NPC1: variants seen among roughly 807,000 people sequenced by gnomAD.
NPC1 encodes the protein Niemann-Pick C1 protein.
NPC1 carries 85 observed loss-of-function variants against 140.4 expected under a neutral mutation model. The observed-to-expected ratio is 0.61, with a 90% CI of 0.51 to 0.72. NPC1 has a LOEUF of 0.72. NPC1 is among the 30% of genes least tolerant of loss of function. The probability of loss-of-function intolerance (pLI) is 0.00; values close to 1 mark genes in which losing one functional copy is unlikely to be tolerated. For synonymous variants in NPC1, 656 were observed against 624.8 expected (o/e 1.05, Z -0.74); for missense variants, 1,504 against 1,623.8 (o/e 0.93, Z 1.27).
In NPC1 at chr18:23,568,740, G is replaced by A. The variant is rs144947594; in HGVS notation, c.463+83C>T. The A allele has an allele frequency of 7.7e-4, 873 of 1,126,574 alleles. 4 individuals carry two copies. The African/African-American group carries it at 0.011, about 14-fold the overall frequency. 69.8% of individuals were successfully genotyped at this position (1,126,574 alleles called of 1,614,324 possible). On this transcript the variant is annotated intron_variant, in intron 4 of 24. Transcript: ENST00000269228. ...GAACTGAAAATTGTGATTTTCCAGA[G>A]TTGACAGGACAACTAAAAGGAACAA...
In NPC1 at chr18:23,551,635, C is replaced by T. The variant is rs1359235313; in HGVS notation, c.1646G>A (p.Gly549Asp). The T allele has an allele frequency of 1.2e-6, 2 of 1,611,680 alleles. No homozygotes were observed. Among genetic ancestry groups the T allele is most frequent in the Admixed American group, 3.3e-5 (2 of 60,024 alleles). ...AAGCTTCTCTTACTTACCATCATAG[C>T]CTCCCAACACAAGCCACGGGAACAC... ...GPVFPWLVLG[G>D]YDDQNYNNAT... Residue 549 changes from glycine to aspartate, a missense_variant, in exon 10 of 25, where the codon GGC (glycine) becomes GAC (aspartate). Gly to Asp is a moderately conservative substitution (Grantham distance 94, BLOSUM62 -1). Coordinates refer to ENST00000269228, the MANE Select transcript of NPC1 (RefSeq NM_000271.5).
At position 23,539,373 on chromosome 18, in the gene NPC1, G is replaced by C; in HGVS notation, c.2893C>G (p.Gln965Glu). The C allele has an allele frequency of 1.9e-6, 3 of 1,612,274 alleles. No individual in the cohort carries two copies. Among genetic ancestry groups the C allele is most frequent in the Non-Finnish European group, 2.5e-6 (3 of 1,178,388 alleles). Residue 965 changes from glutamine (Q) to glutamate (E), a missense_variant, in exon 19 of 25, where the codon CAG (glutamine) becomes GAG (glutamate). Gln to Glu is a conservative substitution (Grantham distance 29). Coordinates refer to ENST00000269228, the MANE Select transcript of NPC1 (RefSeq NM_000271.5). ...SCCRVDNITDQFCNASVVDPA... is the reference protein window; with the variant it reads ...SCCRVDNITDEFCNASVVDPA... ...AAGGTACCTGAAGCATTGCAGAACT[G>C]GTCAGTGATATTGTCCACTCGACAG...
intron 1 of NPC1, among the ~76,000 whole-genome samples, chr18:23,523,543 CAAAA>C (rs374224848): frequency 1.3e-5 from 1 of 76,404 alleles, no homozygotes; most frequent in Non-Finnish European, 2.3e-5. Context: ...CTTGTCTTCA[CAAAA>C]AAAAAAAAAA....
rs202172081 is a variant in NPC1, at chr18:23,516,724, CTTCT to C, written c.432-10086_432-10083del. Among the ~76,000 whole-genome samples, 195 of 140,432 alleles carry C rather than the reference CTTCT, an allele frequency of 1.4e-3. 2 individuals are homozygous for C. The highest frequency in any genetic ancestry group is 2.6e-3 in the African/African-American group (100 of 37,816). The allele number at this position is 140,432 out of a possible 152,430, so 92.1% of individuals were successfully genotyped here. ...TAGTATCTTTGTTTTAGAATTTCTT[CTTCT>C]TTTTTTTTTTTTTTCGAGACAGAGT... is the stretch of plus-strand genomic sequence containing the variant. On this transcript the variant is annotated intron_variant, in intron 3 of 3. Coordinates refer to the NPC1 transcript ENST00000591107.
At chr18:23,541,015 G>C in intron 16 of NPC1, 53 bp downstream of exon 16, 1 of 1,595,540 alleles carries the variant, frequency 6.3e-7, no homozygotes, top group Non-Finnish European at 8.6e-7. Flanking sequence ...TAGAAGGCAT[G>C]TGATAATCTG....
intron 3 of NPC1, among the ~76,000 whole-genome samples, chr18:23,570,034 G>A (rs2059178985): frequency 1.3e-5 from 2 of 152,162 alleles, no homozygotes; most frequent in South Asian, 4.1e-4. Flanking sequence ...GTGTGTCCTG[G>A]CCTTCAAGAG....
At chr18:23,511,589 A>G (rs2057859673) in intron 3 of NPC1, among the ~76,000 whole-genome samples, 1 of 152,226 alleles carries the variant, frequency 6.6e-6, no homozygotes, top group South Asian at 2.1e-4. Context: ...CTCTATTTTT[A>G]AAAATAAATA....
chr18:23,526,529 T>G, downstream of NPC1: 1 of 1,405,458 alleles, frequency 7.1e-7, no homozygotes, highest in Non-Finnish European at 9.6e-7. Flanking sequence ...ACTTTGCGGC[T>G]TTTTATCACC....
chr18:23,530,483 G>A, downstream of NPC1: 1 of 1,614,254 alleles, frequency 6.2e-7, no homozygotes, highest in Non-Finnish European at 8.5e-7. Context: ...TGGTGGCCAT[G>A]ACAACATTTC....
chr18:23,546,031 C>T (rs562737294), intron 11 of NPC1, among the ~76,000 whole-genome samples: 1 of 152,050 alleles, frequency 6.6e-6, no homozygotes, highest in East Asian at 1.9e-4. Context: ...GGCAGATCAC[C>T]TGAGGTCAAG....
intron 21 of NPC1, 83 bp from the exon 22 acceptor site, chr18:23,535,783 G>T: frequency 1.1e-6 from 1 of 915,344 alleles, no homozygotes; most frequent in Non-Finnish European, 1.8e-6. Flanking sequence ...CTGCCAAGTG[G>T]TCAGACTCCT....
At chr18:23,563,885 T>C (rs2059080069) in intron 4 of NPC1, among the ~76,000 whole-genome samples, 1 of 152,180 alleles carries the variant, frequency 6.6e-6, no homozygotes, top group South Asian at 2.1e-4. Context: ...ATCTCTCATG[T>C]GCTTGTTGGT....
At position 23,531,775 on chromosome 18, in the gene NPC1, C is replaced by CATTT; in HGVS notation, c.*426_*427insAAAT. 7 of 1,569,416 alleles carry CATTT rather than the reference C, an allele frequency of 4.5e-6. No individual in the cohort carries two copies. In the African/African-American group the frequency reaches 5.5e-5, roughly 12 times the overall value. On this transcript the variant is annotated 3_prime_UTR_variant, in exon 25 of 25. Coordinates refer to ENST00000269228, the MANE Select transcript of NPC1 (RefSeq NM_000271.5). ...TATTGCATTAATAAAGCTCTTTAAA[C>CATTT]TATAAAATGTTATAAAGTGTATCTA...
In NPC1 at chr18:23,540,126, A is replaced by G. The variant is rs1598946015; in HGVS notation, c.2605-125T>C. The G allele has an allele frequency of 1.2e-5, 10 of 819,646 alleles. No individual in the cohort carries two copies. In the East Asian group the frequency reaches 2.6e-4, roughly 22 times the overall value. The allele number at this position is 819,646 out of a possible 1,614,324, so 50.8% of individuals were successfully genotyped here. Reference sequence around the variant, plus strand: ...GGCTGAGATGCCTCCAGCTGGACTCATGATTCCTAACACCACCAGTCTTCC... The same window carrying G: ...GGCTGAGATGCCTCCAGCTGGACTCGTGATTCCTAACACCACCAGTCTTCC... On this transcript the variant is annotated intron_variant, in intron 17 of 24. Transcript: ENST00000269228.
At chr18:23,554,681 TA>T in intron 9 of NPC1, 76 bp downstream of exon 9, 1 of 1,097,488 alleles carries the variant, frequency 9.1e-7, no homozygotes, top group Non-Finnish European at 1.4e-6. Context: ...GTTATGCTCA[TA>T]AAACAAGCTT....
chr18:23,574,897 AAG>A (rs1459481187), intron 1 of NPC1, among the ~76,000 whole-genome samples: 1 of 152,224 alleles, frequency 6.6e-6, no homozygotes, highest in Non-Finnish European at 1.5e-5. Context: ...CTAAGGAAAA[AAG>A]AAACGTATTG....
rs112880499 is a variant in NPC1, at chr18:23,573,340, AAGCCT to A, written c.180+107_180+111del. On this transcript the variant is annotated intron_variant, in intron 2 of 24. Coordinates refer to ENST00000269228, the MANE Select transcript of NPC1 (RefSeq NM_000271.5). Reference sequence around the variant, plus strand: ...AGTTTGAGAGTCCGGGATAAGACTTAAGCCTGTTAGTCTCATCTCCACCTCCACCC... The same window carrying A: ...AGTTTGAGAGTCCGGGATAAGACTTAGTTAGTCTCATCTCCACCTCCACCC... 32 of 1,446,552 alleles carry A rather than the reference AAGCCT, an allele frequency of 2.2e-5. No homozygotes were observed. In the African/African-American group the frequency reaches 2.8e-4, roughly 13 times the overall value. The allele number at this position is 1,446,552 out of a possible 1,614,324, so 89.6% of individuals were successfully genotyped here. A position where few individuals can be genotyped will look rare whatever the true frequency, so the allele number is the denominator to read the frequency against.
At chr18:23,553,361 T>C (rs1174683501) in intron 9 of NPC1, among the ~76,000 whole-genome samples, 3 of 152,264 alleles carry the variant, frequency 2.0e-5, no homozygotes, top group African/African-American at 7.2e-5. Context: ...CCGTCTACCC[T>C]GTGGAGAATG....
At chr18:23,566,788 G>C (rs906910400) in intron 4 of NPC1, among the ~76,000 whole-genome samples, 5 of 152,148 alleles carry the variant, frequency 3.3e-5, no homozygotes, top group African/African-American at 1.2e-4. Context: ...CACCATTATA[G>C]TATCATATAG....
Sources: gnomAD v4.1 joint callset for allele counts (sites outside exome capture counted in the v4.1 genomes callset) on GRCh38, gnomAD v4.1.1 for gene constraint, MANE v1.5 for transcripts, NCBI Gene and HGNC (gene_info 2026-07-23, HGNC 2026-07-21) for gene names.